ZHX2: variants seen among roughly 807,000 people sequenced by gnomAD.
ZHX2 encodes the protein zinc fingers and homeoboxes 2, also known as zinc fingers and homeoboxes protein 2.
Under a neutral mutation model 21.9 loss-of-function variants are expected in ZHX2, and 6 were observed. The ratio of observed to expected loss-of-function variants is 0.27; its 90% CI spans 0.15 to 0.54. The LOEUF (loss-of-function observed/expected upper bound fraction) is 0.54. Among genes scored for constraint, ZHX2 ranks in the 20% least tolerant of loss-of-function variants. The pLI is 0.95. For missense variants in ZHX2, 908 were observed against 1,090.7 expected (o/e 0.83, Z 2.36); for synonymous variants, 434 against 437.1 (o/e 0.99, Z 0.09).
chr8:122,835,243 C>T (rs1336033656), intron 1 of ZHX2, among the ~76,000 whole-genome samples: 1 of 152,226 alleles, frequency 6.6e-6, no homozygotes, highest in Non-Finnish European at 1.5e-5. Context: ...CTACTACTTT[C>T]TGAAGGGGGT....
At chr8:122,956,604 C>G (rs1487090864) in intron 3 of ZHX2, among the ~76,000 whole-genome samples, 2 of 152,092 alleles carry the variant, frequency 1.3e-5, no homozygotes, top group Non-Finnish European at 2.9e-5. Context: ...AAAAGGAATG[C>G]CACTGGTGAG....
At chr8:122,941,263 T>C (rs568930509) in intron 2 of ZHX2, among the ~76,000 whole-genome samples, 1 of 152,178 alleles carries the variant, frequency 6.6e-6, no homozygotes, top group Non-Finnish European at 1.5e-5. Context: ...AATACAATTG[T>C]AAAAGATTGT....
intron 1 of ZHX2, among the ~76,000 whole-genome samples, chr8:122,791,652 G>A (rs1817521521): frequency 6.6e-6 from 1 of 152,160 alleles, no homozygotes; most frequent in Non-Finnish European, 1.5e-5. Context: ...ATCACCTGAG[G>A]TCAAGAGTTC....
intron 1 of ZHX2, among the ~76,000 whole-genome samples, chr8:122,784,847 G>A (rs1215823674): frequency 3.3e-5 from 5 of 152,156 alleles, no homozygotes; most frequent in Admixed American, 6.5e-5. Context: ...GCTAGTAAGC[G>A]GAGTGGCAGC....
At chr8:122,849,885 C>A (rs1026455010) in intron 1 of ZHX2, among the ~76,000 whole-genome samples, 3 of 152,162 alleles carry the variant, frequency 2.0e-5, no homozygotes, top group African/African-American at 7.2e-5. Flanking sequence ...GTGTCTCATG[C>A]CCCGCACAGA....
chr8:122,938,127 G>A (rs1290006031), intron 2 of ZHX2, among the ~76,000 whole-genome samples: 1 of 149,808 alleles, frequency 6.7e-6, no homozygotes, highest in Non-Finnish European at 1.5e-5. Context: ...TAGAGACAGG[G>A]TTTCATCATG....
chr8:122,793,359 G>A (rs1473141556), intron 1 of ZHX2, among the ~76,000 whole-genome samples: 1 of 152,154 alleles, frequency 6.6e-6, no homozygotes, highest in Non-Finnish European at 1.5e-5. Flanking sequence ...TCCTGACCTG[G>A]GCATCATAAG....
chr8:122,853,587 CGCTCAGCCAGGCT>C (rs1818954354), intron 1 of ZHX2, among the ~76,000 whole-genome samples: 1 of 152,176 alleles, frequency 6.6e-6, no homozygotes, highest in Non-Finnish European at 1.5e-5. Context: ...GTCTCAGCCA[CGCTCAGCCAGGCT>C]GCTCCTTTCA....
At chr8:122,793,662 A>C (rs1255283291) in intron 1 of ZHX2, among the ~76,000 whole-genome samples, 1 of 152,254 alleles carries the variant, frequency 6.6e-6, no homozygotes, top group African/African-American at 2.4e-5. Flanking sequence ...AATTTTGAGA[A>C]TTCTAGATGA....
At chr8:122,841,506 A>G (rs556350023) in intron 1 of ZHX2, among the ~76,000 whole-genome samples, 1 of 151,908 alleles carries the variant, frequency 6.6e-6, no homozygotes, top group African/African-American at 2.4e-5. Flanking sequence ...CGTGAACTAC[A>G]CAGAGTTCTT....
intron 2 of ZHX2, among the ~76,000 whole-genome samples, chr8:122,942,637 TC>T (rs1156590314): frequency 6.6e-6 from 1 of 152,072 alleles, no homozygotes; most frequent in Non-Finnish European, 1.5e-5. Context: ...GCCTCTGCAG[TC>T]TGACTCCTCA....
At chr8:122,818,768 A>G (rs1818082167) in intron 1 of ZHX2, among the ~76,000 whole-genome samples, 2 of 152,152 alleles carry the variant, frequency 1.3e-5, no homozygotes, top group South Asian at 4.1e-4. Context: ...GTTGCTTAGG[A>G]ATTGATCAAC....
At chr8:122,847,259 A>G (rs1818772399) in intron 1 of ZHX2, among the ~76,000 whole-genome samples, 1 of 152,014 alleles carries the variant, frequency 6.6e-6, no homozygotes. Context: ...CCAGCCAGAA[A>G]TCTCTGCACT....
At chr8:122,781,362 G>A (rs978961597), upstream of ZHX2, 2 of 152,252 alleles carry the variant, frequency 1.3e-5, no homozygotes, top group African/African-American at 4.8e-5. The surrounding 1 kb of genome is among the most constrained non-coding windows in gnomAD (Gnocchi z 4.6). Flanking sequence ...GCGCGGGGTC[G>A]TGCTTAATAT....
intron 2 of ZHX2, among the ~76,000 whole-genome samples, chr8:122,907,872 A>G (rs1820384070): frequency 6.6e-6 from 1 of 152,190 alleles, no homozygotes; most frequent in South Asian, 2.1e-4. Flanking sequence ...GGTTCATGTT[A>G]GGCACTACAG....
At position 122,832,627 on chromosome 8, in the gene ZHX2, T is replaced by C. The variant is rs143644240; in HGVS notation, c.-282-30850T>C. On this transcript the variant is annotated intron_variant, in intron 1 of 3. Transcript: ENST00000314393. ...TCTTATGGAGAGGGCCTTTAGCAGC[T>C]TAGTATAACGGTTTGGCAAGTAGAG... Among the ~76,000 whole-genome samples, 304 of 152,254 alleles carry C rather than the reference T, an allele frequency of 2.0e-3. 1 individual carries two copies. Among genetic ancestry groups the C allele is most frequent in the African/African-American group, 7.0e-3 (291 of 41,540 alleles).
At chr8:122,810,052 T>C (rs1208128331) in intron 1 of ZHX2, among the ~76,000 whole-genome samples, 1 of 152,158 alleles carries the variant, frequency 6.6e-6, no homozygotes, top group African/African-American at 2.4e-5. Context: ...GCTAAAAATA[T>C]ATATATATTT....
intron 2 of ZHX2, among the ~76,000 whole-genome samples, chr8:122,948,683 A>G (rs1403927164): frequency 6.6e-6 from 1 of 152,230 alleles, no homozygotes; most frequent in Non-Finnish European, 1.5e-5. Flanking sequence ...CCTAGTAGAT[A>G]TAAAGTTTGT....
intron 1 of ZHX2, among the ~76,000 whole-genome samples, chr8:122,811,001 G>A (rs952433524): frequency 6.6e-6 from 1 of 152,014 alleles, no homozygotes; most frequent in African/African-American, 2.4e-5. Flanking sequence ...GAGTTTTAGG[G>A]GTCAGTAAAT....
Sources: gnomAD v4.1 joint callset for allele counts (sites outside exome capture counted in the v4.1 genomes callset) on GRCh38, gnomAD v4.1.1 for gene constraint, Gnocchi (gnomAD v3.1) non-coding constraint, MANE v1.5 for transcripts, NCBI Gene and HGNC (gene_info 2026-07-23, HGNC 2026-07-21) for gene names.